Variants in STMN3 observed in about 807,000 individuals in gnomAD.
STMN3 encodes stathmin 3.
In STMN3, 24 loss-of-function variants were observed where a neutral mutation model predicts 23.2. That is an observed-to-expected ratio of 1.03 (90% CI 0.75 to 1.45). STMN3 has a LOEUF of 1.45. Among genes scored for constraint, STMN3 ranks in the 40% most tolerant of loss-of-function variants. The pLI is 0.00. For synonymous variants in STMN3, 117 were observed against 103.4 expected (o/e 1.13, Z -0.80); for missense variants, 235 against 237.6 (o/e 0.99, Z 0.07).
chr20:63,648,980 G>A (rs980453992), intron 1 of STMN3, among the ~76,000 whole-genome samples: 1 of 152,098 alleles, frequency 6.6e-6, no homozygotes, highest in Non-Finnish European at 1.5e-5. Flanking sequence ...GGGGCACGGT[G>A]GGGACGCAGG....
chr20:63,644,214 C>T lies in STMN3; in HGVS notation c.115G>A (p.Asp39Asn). 6 of 1,612,240 alleles carry T rather than the reference C, an allele frequency of 3.7e-6. No homozygotes were observed. Among genetic ancestry groups the T allele is most frequent in the Non-Finnish European group, 4.2e-6 (5 of 1,178,754 alleles). Residue 39 changes from aspartate (D) to asparagine (N), a missense_variant and splice_region_variant, in exon 2 of 5, where the codon GAC becomes AAC. Asp to Asn is a conservative substitution (Grantham distance 23). Coordinates refer to ENST00000370053, the MANE Select transcript of STMN3 (RefSeq NM_015894.4). The part of the protein sequence containing the change: ...PHPNTVYQYG[D>N]MEVKQLDKRA... Reference sequence around the variant, plus strand: ...GGGCAGGCGGCAGCCAGGCACTCACCCCCGTACTGGTAGACGGTATTGGGG... The same window carrying T: ...GGGCAGGCGGCAGCCAGGCACTCACTCCCGTACTGGTAGACGGTATTGGGG...
rs1358323044 is a variant in STMN3, at chr20:63,642,280, A to T, written c.311T>A (p.Leu104Gln). ...CTCGCGCCGCTCCGCCAGCTGCTTC[A>T]GCACCTGCGCCTCCTGCGTCTGTGC... ...ERRKTQEAQV[L>Q]KQLAERREHE... Residue 104 changes from leucine (L) to glutamine (Q), a missense_variant, in exon 4 of 5, where the codon CTG becomes CAG. Physicochemically the swap from Leu to Gln is moderately radical, Grantham distance 113. Coordinates refer to ENST00000370053, the MANE Select transcript of STMN3 (RefSeq NM_015894.4). The T allele has an allele frequency of 6.5e-7, 1 of 1,538,220 alleles. No homozygotes were observed. The highest frequency in any genetic ancestry group is 1.4e-5 in the African/African-American group (1 of 69,982).
At chr20:63,650,823 T>C (rs1485851047) in intron 1 of STMN3, among the ~76,000 whole-genome samples, 12 of 44,966 alleles carry the variant, frequency 2.7e-4, no homozygotes, top group African/African-American at 9.7e-4. Context: ...CGCCCACCCC[T>C]CCCGCCGCCC....
intron 1 of STMN3, among the ~76,000 whole-genome samples, chr20:63,651,441 CCCCTGGAGGG>C (rs979341703): frequency 6.6e-6 from 1 of 152,134 alleles, no homozygotes; most frequent in African/African-American, 2.4e-5. Flanking sequence ...TGGCCTCTGA[CCCCTGGAGGG>C]CCCTGGAGGC....
rs1019514990 is a variant in STMN3 at position 63,643,636 on chromosome 20, C to T, written c.291+120G>A. 6 of 1,384,220 alleles carry T rather than the reference C, an allele frequency of 4.3e-6. No homozygotes were observed. The African/African-American group carries it at 7.6e-5, about 17-fold the overall frequency. 85.7% of individuals were successfully genotyped at this position (1,384,220 alleles called of 1,614,324 possible). Reference sequence around the variant, plus strand: ...GAGGCCCAGGGAGCCACAGCCCCTCCTGCTCCAGGCCAAGGCACTGACCAA... The same window carrying T: ...GAGGCCCAGGGAGCCACAGCCCCTCTTGCTCCAGGCCAAGGCACTGACCAA... On this transcript the variant is annotated intron_variant, in intron 3 of 4. Transcript: ENST00000370053.
intron 1 of STMN3, among the ~76,000 whole-genome samples, chr20:63,647,847 T>TA (rs2089825820): frequency 8.1e-6 from 1 of 123,768 alleles, no homozygotes; most frequent in South Asian, 2.2e-4. Context: ...TATGTATATA[T>TA]TAATATATAT....
intron 1 of STMN3, among the ~76,000 whole-genome samples, chr20:63,645,102 T>C (rs1267304514): frequency 1.3e-5 from 2 of 152,196 alleles, no homozygotes; most frequent in Non-Finnish European, 2.9e-5. Flanking sequence ...CTGTGATTCC[T>C]TGTCACTGTG....
rs137993437 is a variant in STMN3 at position 63,648,450 on chromosome 20, A to C, written c.20-4141T>G. Among the ~76,000 whole-genome samples the C allele has an allele frequency of 1.8e-3, 267 of 152,230 alleles. 1 individual carries two copies. Among genetic ancestry groups the C allele is most frequent in the African/African-American group, 6.2e-3 (256 of 41,546 alleles). On this transcript the variant is annotated intron_variant, in intron 1 of 4. Transcript: ENST00000370053. ...CCTTATCACACATCCAAAACTCTGA[A>C]TGTGGCCGGGCGCAGTGGCTCACGC...
rs1247452772 is a variant in STMN3, at chr20:63,647,720, AT to A, written c.20-3412del. On this transcript the variant is annotated intron_variant, in intron 1 of 4. Transcript: ENST00000370053. Reference sequence around the variant, plus strand: ...ATATAATATATATACACGTGTATATATATTATATACATATATATACACGTGT... The same window carrying A: ...ATATAATATATATACACGTGTATATAATTATATACATATATATACACGTGT... Among the ~76,000 whole-genome samples the A allele has an allele frequency of 3.1e-5, 4 of 130,350 alleles. No individual in the cohort carries two copies. In the East Asian group the frequency reaches 8.1e-4, roughly 27 times the overall value. The allele number at this position is 130,350 out of a possible 152,430, so 85.5% of individuals were successfully genotyped here. A position where few individuals can be genotyped will look rare whatever the true frequency, so the allele number is the denominator to read the frequency against.
intron 1 of STMN3, among the ~76,000 whole-genome samples, chr20:63,647,988 A>ATG (rs1569070416): frequency 2.7e-5 from 3 of 110,528 alleles, no homozygotes; most frequent in African/African-American, 1.1e-4. Flanking sequence ...ATACATATAT[A>ATG]TATACAGAGA....
intron 1 of STMN3, among the ~76,000 whole-genome samples, chr20:63,650,961 CTTTTTTTTTTTT>C (rs151283484): frequency 7.5e-6 from 1 of 132,994 alleles, no homozygotes; most frequent in African/African-American, 2.8e-5. Context: ...CTTCTTTCTT[CTTTTTTTTTTTT>C]TTTAGAAAGA....
rs758873403 is a variant in STMN3, at chr20:63,642,145, G to T, written c.446C>A (p.Ala149Glu). 1.3e-6 allele frequency: 2 copies of T among 1,490,590 alleles called. No homozygotes were observed. Among genetic ancestry groups the T allele is most frequent in the African/African-American group, 1.6e-5 (1 of 63,524 alleles). The allele number at this position is 1,490,590 out of a possible 1,614,324, so 92.3% of individuals were successfully genotyped here. A position where few individuals can be genotyped will look rare whatever the true frequency, so the allele number is the denominator to read the frequency against. Residue 149 changes from alanine (A) to glutamate (E), a missense_variant, in exon 4 of 5, where the codon GCA (alanine) becomes GAA (glutamate). Transcript: ENST00000370053. ...CCGCTCGCGCAGTGCGGCCAGGTGT[G>T]CCTCGCGGATCTCCTTGCTGAGCTC... The part of the protein sequence containing the change: ...KMELSKEIRE[A>E]HLAALRERLR...
At position 63,652,755 on chromosome 20, in the gene STMN3, C is replaced by T. The variant is rs2089870601; in HGVS notation, c.19+572G>A. The T allele has an allele frequency of 2.0e-6, 2 of 985,904 alleles. No homozygotes were observed. Among genetic ancestry groups the T allele is most frequent in the African/African-American group, 1.7e-5 (1 of 57,244 alleles). The allele number at this position is 985,904 out of a possible 1,614,324, so 61.1% of individuals were successfully genotyped here. A position where few individuals can be genotyped will look rare whatever the true frequency, so the allele number is the denominator to read the frequency against. On this transcript the variant is annotated intron_variant, in intron 1 of 4. Transcript: ENST00000370053. The surrounding 1 kb of genome is among the most constrained non-coding windows in gnomAD (Gnocchi z 5.3). ...GCGTCGCAAAGGGTGGTCCCCGAGG[C>T]CGCAGCGGTGTGGGGGGAGGGCGCG...
chr20:63,644,097 G>A, intron 2 of STMN3, 117 bp downstream of exon 2: 1 of 1,328,340 alleles, frequency 7.5e-7, no homozygotes. Context: ...CTTCCCCCTA[G>A]AACCTCCCTC....
At position 63,652,423 on chromosome 20, in the gene STMN3, G is replaced by C. The variant is rs971616733; in HGVS notation, c.19+904C>G. ...TTCTGCGGCCTCGCGGCGGAGCAGAGCGTTTCGGGAAGGGCGGGCCCAGCG... is the reference window on the plus strand; with the variant it reads ...TTCTGCGGCCTCGCGGCGGAGCAGACCGTTTCGGGAAGGGCGGGCCCAGCG... On this transcript the variant is annotated intron_variant, in intron 1 of 4. Coordinates refer to ENST00000370053, the MANE Select transcript of STMN3 (RefSeq NM_015894.4). The surrounding 1 kb of genome is among the most constrained non-coding windows in gnomAD (Gnocchi z 5.3). The C allele has an allele frequency of 6.6e-6, 2 of 301,862 alleles. No homozygotes were observed. Among genetic ancestry groups the C allele is most frequent in the African/African-American group, 4.5e-5 (2 of 44,208 alleles). 18.7% of individuals were successfully genotyped at this position (301,862 alleles called of 1,614,324 possible).
rs978552010 is a variant in STMN3, at chr20:63,652,121, T to G, written c.19+1206A>C. 6.6e-6 allele frequency: 1 copy of G among 152,112 alleles called. No individual in the cohort carries two copies. Among genetic ancestry groups the G allele is most frequent in the Non-Finnish European group, 1.5e-5 (1 of 68,094 alleles). 9.4% of individuals were successfully genotyped at this position (152,112 alleles called of 1,614,324 possible). On this transcript the variant is annotated intron_variant, in intron 1 of 4. Coordinates refer to ENST00000370053, the MANE Select transcript of STMN3 (RefSeq NM_015894.4). This position sits in a 1 kb window ranked among gnomAD's most constrained non-coding sequence, Gnocchi z 5.3. Reference sequence around the variant, plus strand: ...GAGGTGTGGCCGGTGACACACACGGTCCCCTCCTGGCAGGTGCTGAAGTCA... The same window carrying G: ...GAGGTGTGGCCGGTGACACACACGGGCCCCTCCTGGCAGGTGCTGAAGTCA...
In STMN3 at chr20:63,650,156, G is replaced by C. The variant is rs546003889; in HGVS notation, c.19+3171C>G. 4.3e-3 allele frequency among the ~76,000 whole-genome samples: 553 copies of C among 129,574 alleles called. 3 individuals carry two copies. The highest frequency in any genetic ancestry group is 0.016 in the African/African-American group (535 of 32,606). The allele number at this position is 129,574 out of a possible 152,430, so 85.0% of individuals were successfully genotyped here. On this transcript the variant is annotated intron_variant, in intron 1 of 4. Transcript: ENST00000370053. ...CGCAGTGCTGGGATTACAGGCGTGA[G>C]CCCCCGCGCCCGGCCCCTCCCTCTC...
chr20:63,647,936 A>ATATGTGTGTGTGTG (rs1165301691), intron 1 of STMN3, among the ~76,000 whole-genome samples: 5 of 80,836 alleles, frequency 6.2e-5, no homozygotes, highest in African/African-American at 1.5e-4. Flanking sequence ...ATACGTATAT[A>ATATGTGTGTGTGTG]TGTGTGTGTG....
chr20:63,640,856 C>T lies in STMN3; in HGVS notation c.*482G>A, dbSNP rs1298956188. ...AGCACCGGCTGCACACGCAGGCTCC[C>T]AGGCACCATCACCCCCCTCCCCCGT... is the stretch of plus-strand genomic sequence containing the variant. On this transcript the variant is annotated 3_prime_UTR_variant, in exon 5 of 5. Coordinates refer to ENST00000370053, the MANE Select transcript of STMN3 (RefSeq NM_015894.4). 5 of 244,794 alleles carry T rather than the reference C, an allele frequency of 2.0e-5. No homozygotes were observed. The highest frequency in any genetic ancestry group is 4.1e-5 in the Non-Finnish European group (5 of 122,244). 15.2% of individuals were successfully genotyped at this position (244,794 alleles called of 1,614,324 possible). A position where few individuals can be genotyped will look rare whatever the true frequency, so the allele number is the denominator to read the frequency against.
Sources: gnomAD v4.1 joint callset for allele counts (sites outside exome capture counted in the v4.1 genomes callset) on GRCh38, gnomAD v4.1.1 for gene constraint, Gnocchi (gnomAD v3.1) non-coding constraint, MANE v1.5 for transcripts, NCBI Gene and HGNC (gene_info 2026-07-23, HGNC 2026-07-21) for gene names.